The following ZNF737 variants were observed in gnomAD, a reference collection of about 807,000 sequenced individuals.
ZNF737 encodes zinc finger protein 737, also known as zinc finger protein 102 (Y3).
In ZNF737, 13 loss-of-function variants were observed where a neutral mutation model predicts 11.7. The ratio of observed to expected loss-of-function variants is 1.11; its 90% CI spans 0.73 to 1.77. The LOEUF is 1.77. Ranked by LOEUF, ZNF737 falls within the 40% of genes most tolerant of loss-of-function variation. ZNF737 has a pLI of 0.00. For missense variants in ZNF737, 636 were observed against 638.0 expected (o/e 1.00, Z 0.03); for synonymous variants, 217 against 216.2 (o/e 1.00, Z -0.03).
At chr19:20,534,356 C>A (rs1309954375), downstream of ZNF737, among the ~76,000 whole-genome samples, 1 of 149,784 alleles carries the variant, frequency 6.7e-6, no homozygotes, top group Non-Finnish European at 1.5e-5. Flanking sequence ...GCAGCAGAAT[C>A]GCTTTAACCA....
At position 20,553,467 on chromosome 19, in the gene ZNF737, C is replaced by G. The variant is rs186038427; in HGVS notation, c.130+242G>C. ...TAGAAATGGGGTTTCACCATGTTGG[C>G]CAGGCTGATCTTGAACTCCTAGCCT... On this transcript the variant is annotated intron_variant, in intron 2 of 3. Coordinates refer to ENST00000427401, the MANE Select transcript of ZNF737 (RefSeq NM_001159293.2). 3.9e-5 allele frequency among the ~76,000 whole-genome samples: 6 copies of G among 152,084 alleles called. No individual in the cohort carries two copies. In the East Asian group the frequency reaches 7.8e-4, roughly 20 times the overall value.
chr19:20,543,320 G>C lies in ZNF737; in HGVS notation c.*1272C>G, dbSNP rs1555755542. On this transcript the variant is annotated 3_prime_UTR_variant, in exon 4 of 4. Coordinates refer to ENST00000427401, the MANE Select transcript of ZNF737 (RefSeq NM_001159293.2). ...AGGATTTTCCTCCAGTACAAAATGT[G>C]TGCAATAAGATCTGTGATACTAGTA... 2.0e-6 allele frequency: 2 copies of C among 985,768 alleles called. No individual in the cohort carries two copies. Among genetic ancestry groups the C allele is most frequent in the Admixed American group, 1.2e-4 (2 of 16,256 alleles). 61.1% of individuals were successfully genotyped at this position (985,768 alleles called of 1,614,324 possible). A position where few individuals can be genotyped will look rare whatever the true frequency, so the allele number is the denominator to read the frequency against.
At chr19:20,530,483 C>T in the ZNF737 span, among the ~76,000 whole-genome samples, 16,693 of 148,058 alleles carry the variant, frequency 0.11, 1,768 homozygotes, top group Non-Finnish European at 0.13. Context: ...GGGTGGCAGC[C>T]GGGTGGAGGG....
chr19:20,540,512 G>C lies in ZNF737; in HGVS notation c.*4080C>G, dbSNP rs1968157904. On this transcript the variant is annotated 3_prime_UTR_variant, in exon 4 of 4. Coordinates refer to ENST00000427401, the MANE Select transcript of ZNF737 (RefSeq NM_001159293.2). ...ACGGTGGCTCATGATTCTAATACCAGCACCGTGGGAGGCTGAAGCAGGCAG... is the reference window on the plus strand; with the variant it reads ...ACGGTGGCTCATGATTCTAATACCACCACCGTGGGAGGCTGAAGCAGGCAG... Among the ~76,000 whole-genome samples, 1 of 152,136 alleles carries C rather than the reference G, an allele frequency of 6.6e-6. No homozygotes were observed. Among genetic ancestry groups the C allele is most frequent in the Non-Finnish European group, 1.5e-5 (1 of 68,022 alleles).
chr19:20,565,707 C>A lies in ZNF737; in HGVS notation c.-67G>T, dbSNP rs1424207879. 6.2e-7 allele frequency: 1 copy of A among 1,610,476 alleles called. No individual in the cohort carries two copies. The highest frequency in any genetic ancestry group is 8.5e-7 in the Non-Finnish European group (1 of 1,176,820). ...CTCCCAATACCTGCAGGACACAGGGCCACAGAGGCTGGGCCTCTAGGAGCA... is the reference window on the plus strand; with the variant it reads ...CTCCCAATACCTGCAGGACACAGGGACACAGAGGCTGGGCCTCTAGGAGCA... On this transcript the variant is annotated 5_prime_UTR_variant, in exon 1 of 4. Coordinates refer to ENST00000427401, the MANE Select transcript of ZNF737 (RefSeq NM_001159293.2).
At position 20,543,466 on chromosome 19, in the gene ZNF737, A is replaced by G. The variant is rs1968302125; in HGVS notation, c.*1126T>C. The G allele has an allele frequency of 1.0e-6, 1 of 985,310 alleles. No homozygotes were observed. The highest frequency in any genetic ancestry group is 1.2e-6 in the Non-Finnish European group (1 of 829,698). 61.0% of individuals were successfully genotyped at this position (985,310 alleles called of 1,614,324 possible). A position where few individuals can be genotyped will look rare whatever the true frequency, so the allele number is the denominator to read the frequency against. On this transcript the variant is annotated 3_prime_UTR_variant, in exon 4 of 4. Transcript: ENST00000427401. The stretch of plus-strand genomic sequence containing the variant: ...CAGTAATTGCCATTTTAATGCTTTT[A>G]TTAAAAGGAAGATTTTTATGTTGAG...
chr19:20,534,500 GGAT>G (rs1967911674), downstream of ZNF737, among the ~76,000 whole-genome samples: 1 of 145,068 alleles, frequency 6.9e-6, no homozygotes, highest in Non-Finnish European at 1.5e-5. Flanking sequence ...TACTGTCAGA[GGAT>G]GATAACTTGA....
In ZNF737 at chr19:20,545,972, C is replaced by A; in HGVS notation, c.231G>T (p.Thr77=). 6.5e-7 allele frequency: 1 copy of A among 1,539,902 alleles called. No homozygotes were observed. The highest frequency in any genetic ancestry group is 1.3e-5 in the South Asian group (1 of 76,678). The change falls in exon 4 of 4, where the codon ACG becomes ACT. Residue 77 remains threonine (T), a synonymous_variant. Coordinates refer to ENST00000427401, the MANE Select transcript of ZNF737 (RefSeq NM_001159293.2). ...AAAGATCTCGGGCAAAATGAGAACA[C>A]GTAACTGAAAGAAACAATAAAAGCA... is the stretch of plus-strand genomic sequence containing the variant. The part of the protein sequence containing the change: ...KHEMVANPSV[T]CSHFARDLWP...
intron 1 of ZNF737, among the ~76,000 whole-genome samples, chr19:20,559,133 G>A (rs1968992623): frequency 6.6e-6 from 1 of 152,186 alleles, no homozygotes; most frequent in South Asian, 2.1e-4. Flanking sequence ...AAGAATTCAT[G>A]AGGAAGCTAC....
chr19:20,546,764 T>C (rs575890953), intron 3 of ZNF737, among the ~76,000 whole-genome samples: 1 of 152,094 alleles, frequency 6.6e-6, no homozygotes, highest in South Asian at 2.1e-4. Flanking sequence ...TCTACAGTCC[T>C]AGATACTCAA....
rs1437580787 is a variant in ZNF737 at position 20,543,484 on chromosome 19, A to C, written c.*1108T>G. On this transcript the variant is annotated 3_prime_UTR_variant, in exon 4 of 4. Transcript: ENST00000427401. ...TGCTTTTATTAAAAGGAAGATTTTT[A>C]TGTTGAGTTAGATGTGAGTAGGAAT... is the stretch of plus-strand genomic sequence containing the variant. The C allele has an allele frequency of 2.0e-6, 2 of 985,214 alleles. No homozygotes were observed. The highest frequency in any genetic ancestry group is 3.5e-5 in the African/African-American group (2 of 57,252). The allele number at this position is 985,214 out of a possible 1,614,324, so 61.0% of individuals were successfully genotyped here.
In ZNF737 at chr19:20,548,864, C is replaced by T. The variant is rs180824747; in HGVS notation, c.227-2888G>A. Reference sequence around the variant, plus strand: ...AAAATCCTGGGATTACAAATAAGAGCCTCCACCAAGCCTGGCCCTGAAATG... The same window carrying T: ...AAAATCCTGGGATTACAAATAAGAGTCTCCACCAAGCCTGGCCCTGAAATG... On this transcript the variant is annotated intron_variant, in intron 3 of 3. Transcript: ENST00000427401. 2.7e-3 allele frequency among the ~76,000 whole-genome samples: 405 copies of T among 150,536 alleles called. 1 individual carries two copies. Among genetic ancestry groups the T allele is most frequent in the African/African-American group, 9.5e-3 (389 of 40,950 alleles).
Position 20,544,802 on chromosome 19 carries a change from G to C in ZNF737, c.1401C>G (p.His467Gln). The C allele has an allele frequency of 6.2e-7, 1 of 1,610,128 alleles. No homozygotes were observed. Among genetic ancestry groups the C allele is most frequent in the Non-Finnish European group, 8.5e-7 (1 of 1,178,394 alleles). Residue 467 changes from histidine to glutamine, a missense_variant, in exon 4 of 4, where the codon CAC (histidine) becomes CAG (glutamine). Transcript: ENST00000427401. Reference protein sequence around the residue: ...ECGKAFNSSSHLTAHKRIHTG... With the variant: ...ECGKAFNSSSQLTAHKRIHTG... ...TATGAATTCTCTTATGTGCAGTAAG[G>C]TGTGAGGACGAGTTGAAGGCTTTGC... is the stretch of plus-strand genomic sequence containing the variant.
rs79941077 is a variant in ZNF737, at chr19:20,540,734, G to A, written c.*3858C>T. 4,587 of 820,494 alleles carry A rather than the reference G, an allele frequency of 5.6e-3. 189 individuals are homozygous for A. The African/African-American group carries it at 0.08, about 14-fold the overall frequency. 50.8% of individuals were successfully genotyped at this position (820,494 alleles called of 1,614,324 possible). ...AGATCACGCCACTGCTCTCCAGCCT[G>A]GAAGACAGAGCAACACTCCATCATG... On this transcript the variant is annotated 3_prime_UTR_variant, in exon 4 of 4. Coordinates refer to ENST00000427401, the MANE Select transcript of ZNF737 (RefSeq NM_001159293.2).
chr19:20,534,002 A>G (rs1327714948), downstream of ZNF737, among the ~76,000 whole-genome samples: 2 of 150,154 alleles, frequency 1.3e-5, no homozygotes, highest in Non-Finnish European at 3.0e-5. Flanking sequence ...CTAGAATAAG[A>G]TAGTTGGCTG....
In ZNF737 at chr19:20,539,592, G is replaced by A; in HGVS notation, c.*5000C>T. The A allele has an allele frequency of 1.0e-6, 1 of 975,544 alleles. No individual in the cohort carries two copies. Among genetic ancestry groups the A allele is most frequent in the Non-Finnish European group, 1.2e-6 (1 of 821,122 alleles). The allele number at this position is 975,544 out of a possible 1,614,324, so 60.4% of individuals were successfully genotyped here. A position where few individuals can be genotyped will look rare whatever the true frequency, so the allele number is the denominator to read the frequency against. On this transcript the variant is annotated 3_prime_UTR_variant, in exon 4 of 4. Coordinates refer to ENST00000427401, the MANE Select transcript of ZNF737 (RefSeq NM_001159293.2). ...AGAAACTATCTACATAACTAATCAT[G>A]GATTCAAAAAATATTCATATTAATG... is the stretch of plus-strand genomic sequence containing the variant.
In ZNF737 at chr19:20,543,925, C is replaced by T. The variant is rs1007467638; in HGVS notation, c.*667G>A. The T allele has an allele frequency of 5.2e-5, 42 of 809,196 alleles. 1 individual carries two copies. Among genetic ancestry groups the T allele is most frequent in the African/African-American group, 4.7e-4 (25 of 53,270 alleles). The allele number at this position is 809,196 out of a possible 1,614,324, so 50.1% of individuals were successfully genotyped here. A position where few individuals can be genotyped will look rare whatever the true frequency, so the allele number is the denominator to read the frequency against. ...GGTGGATCACCTGAGGTCAGGAGTT[C>T]GAGACCAGCCTGGCAAACATGGCGA... On this transcript the variant is annotated 3_prime_UTR_variant, in exon 4 of 4. Transcript: ENST00000427401.
intron 3 of ZNF737, among the ~76,000 whole-genome samples, chr19:20,549,207 T>C (rs1555757761): frequency 1.3e-5 from 2 of 152,168 alleles, no homozygotes; most frequent in African/African-American, 4.8e-5. Flanking sequence ...AATCTGATTA[T>C]GATAGATATG....
In ZNF737 at chr19:20,538,459, A is replaced by G. The variant is rs1362210230; in HGVS notation, c.*6133T>C. ...CATACAGAATGTGAGGTCCCATTCC[A>G]GCCAATGAAAACCAGACACAGCAGT... On this transcript the variant is annotated 3_prime_UTR_variant, in exon 4 of 4. Transcript: ENST00000427401. 6.6e-6 allele frequency among the ~76,000 whole-genome samples: 1 copy of G among 152,226 alleles called. No homozygotes were observed. The highest frequency in any genetic ancestry group is 1.5e-5 in the Non-Finnish European group (1 of 68,048).
Sources: allele counts gnomAD v4.1 joint callset (sites outside exome capture counted in the v4.1 genomes callset), GRCh38; gene constraint gnomAD v4.1.1; transcripts MANE v1.5; gene names NCBI Gene and HGNC (gene_info 2026-07-23, HGNC 2026-07-21).